Variants in ELOA2 observed in about 807,000 individuals in gnomAD.
ELOA2 encodes the protein elongin A2.
For missense variants in ELOA2, 1,271 were observed against 979.7 expected (o/e 1.30, Z -3.97); for synonymous variants, 497 against 398.8 (o/e 1.25, Z -2.94).
rs1425275192 is a variant in ELOA2, at chr18:47,033,851, C to T, written c.1414G>A (p.Ala472Thr). 3.7e-6 allele frequency: 6 copies of T among 1,613,942 alleles called. No individual in the cohort carries two copies. In the South Asian group the frequency reaches 4.4e-5, roughly 12 times the overall value. ...GAATCCGAAAGCGGATCGTAGTTGGCCTGCATCCAGGCCTCTGAGAGGTCC... is the reference window on the plus strand; with the variant it reads ...GAATCCGAAAGCGGATCGTAGTTGGTCTGCATCCAGGCCTCTGAGAGGTCC... The part of the protein sequence containing the change: ...LWDLSEAWMQ[A>T]NYDPLSDSDS... The change falls in exon 1 of 1, where the codon GCC becomes ACC. Residue 472 changes from alanine to threonine, a missense_variant. Transcript: ENST00000332567.
chr18:47,035,030 C>A lies in ELOA2; in HGVS notation c.235G>T (p.Val79Leu). ...GGGCCAGGCCGGGTGTTTCGGTCCA[C>A]GAGCACCAGCTTCTTCCACCGGGCC... Reference protein sequence around the residue: ...LAARWKKLVLVDRNTRPGPQD... With the variant: ...LAARWKKLVLLDRNTRPGPQD... The change falls in exon 1 of 1, where the codon GTG becomes TTG. Residue 79 changes from valine (V) to leucine (L), a missense_variant. Coordinates refer to ENST00000332567, the MANE Select transcript of ELOA2 (RefSeq NM_016427.3). 6.2e-7 allele frequency: 1 copy of A among 1,611,746 alleles called. No individual in the cohort carries two copies.
chr18:47,033,086 T>G lies in ELOA2; in HGVS notation c.2179A>C (p.Thr727Pro). Residue 727 changes from threonine to proline, a missense_variant, in exon 1 of 1, where the codon ACC becomes CCC. Thr to Pro is a conservative substitution (Grantham distance 38, BLOSUM62 -1). Coordinates refer to ENST00000332567, the MANE Select transcript of ELOA2 (RefSeq NM_016427.3). ...SNEHAAPAAKTRKQAAKKVAP... is the reference protein window; with the variant it reads ...SNEHAAPAAKPRKQAAKKVAP... The stretch of plus-strand genomic sequence containing the variant: ...ACTTTCTTGGCAGCCTGTTTCCGGG[T>G]TTTGGCCGCGGGCGCCGCGTGCTCA... 1.2e-6 allele frequency: 2 copies of G among 1,614,044 alleles called. No individual in the cohort carries two copies. Among genetic ancestry groups the G allele is most frequent in the Non-Finnish European group, 1.7e-6 (2 of 1,180,030 alleles).
In ELOA2 at chr18:47,034,219, C is replaced by A. The variant is rs2571029; in HGVS notation, c.1046G>T (p.Gly349Val). The change falls in exon 1 of 1, where the codon GGG (glycine) becomes GTG (valine). Residue 349 changes from glycine to valine, a missense_variant. Coordinates refer to ENST00000332567, the MANE Select transcript of ELOA2 (RefSeq NM_016427.3). ...GTCCAAATGAGCAGTCGGTGGCTTC[C>A]CCTCTTGAGTCTCTCGGTCGTTGGA... ...QLSNDRETQE[G>V]KPPTAHLDRT... 1 of 1,613,888 alleles carries A rather than the reference C, an allele frequency of 6.2e-7. No individual in the cohort carries two copies. The highest frequency in any genetic ancestry group is 1.1e-5 in the South Asian group (1 of 91,078).
In ELOA2 at chr18:47,033,156, G is replaced by A. The variant is rs543160054; in HGVS notation, c.2109C>T (p.Arg703=). The change falls in exon 1 of 1, where the codon CGC becomes CGT. Residue 703 remains arginine, a synonymous_variant. Coordinates refer to ENST00000332567, the MANE Select transcript of ELOA2 (RefSeq NM_016427.3). ...GGRDSSSSIL[R]WLPEKRANPC... is the part of the protein sequence containing the mutation. ...GGTTGGCCCGCTTCTCAGGGAGCCA[G>A]CGAAGGATGCTGCTGCTGCTGTCTC... is the stretch of plus-strand genomic sequence containing the variant. 3.7e-6 allele frequency: 6 copies of A among 1,613,986 alleles called. No homozygotes were observed. The highest frequency in any genetic ancestry group is 5.1e-6 in the Non-Finnish European group (6 of 1,180,054).
rs377434176 is a variant in ELOA2, at chr18:47,033,613, G to A, written c.1652C>T (p.Pro551Leu). 1 of 1,614,180 alleles carries A rather than the reference G, an allele frequency of 6.2e-7. No individual in the cohort carries two copies. Among genetic ancestry groups the A allele is most frequent in the Non-Finnish European group, 8.5e-7 (1 of 1,180,034 alleles). The change falls in exon 1 of 1, where the codon CCC becomes CTC. Residue 551 changes from proline (P) to leucine (L), a missense_variant. By Grantham distance (98) the Pro-to-Leu change is moderately conservative. Transcript: ENST00000332567. ...CAGAACAGGTTCAAGAACCCAGTAGGGGACCTCTCCCACGTCGCTGAGGGC... is the reference window on the plus strand; with the variant it reads ...CAGAACAGGTTCAAGAACCCAGTAGAGGACCTCTCCCACGTCGCTGAGGGC... Reference protein sequence around the residue: ...PDALSDVGEVPYWVLEPVLEG... With the variant: ...PDALSDVGEVLYWVLEPVLEG...
Position 47,032,821 on chromosome 18 carries a change from T to C in ELOA2, c.*182A>G. 9.2e-7 allele frequency: 1 copy of C among 1,090,324 alleles called. No individual in the cohort carries two copies. Among genetic ancestry groups the C allele is most frequent in the Non-Finnish European group, 1.3e-6 (1 of 763,712 alleles). 67.5% of individuals were successfully genotyped at this position (1,090,324 alleles called of 1,614,324 possible). The stretch of plus-strand genomic sequence containing the variant: ...CTGAGGTGTTCTCCAAGCTGGGAGG[T>C]AGTGGCTGGGTGTGGGAGGCAAAAT... On this transcript the variant is annotated 3_prime_UTR_variant, in exon 1 of 1. Transcript: ENST00000332567.
chr18:47,034,502 C>T lies in ELOA2; in HGVS notation c.763G>A (p.Gly255Arg), dbSNP rs376861883. ...GGGGTTTCCTCTCTTAAGCAGGCCC[C>T]GCATGATTTCTCCCTGATCAAAGTA... is the stretch of plus-strand genomic sequence containing the variant. ...SPTLIREKSC[G>R]ACLREETPRM... Residue 255 changes from glycine to arginine, a missense_variant, in exon 1 of 1, where the codon GGG becomes AGG. Transcript: ENST00000332567. 1 of 1,614,166 alleles carries T rather than the reference C, an allele frequency of 6.2e-7. No individual in the cohort carries two copies. Among genetic ancestry groups the T allele is most frequent in the African/African-American group, 1.3e-5 (1 of 75,066 alleles).
In ELOA2 at chr18:47,033,788, A is replaced by T; in HGVS notation, c.1477T>A (p.Ser493Thr). ...GCTTCCTCCCGGAACTTTGGTGAAGAGAGTGCTTCTGGCTTTGCCTGGGAG... is the reference window on the plus strand; with the variant it reads ...GCTTCCTCCCGGAACTTTGGTGAAGTGAGTGCTTCTGGCTTTGCCTGGGAG... Reference protein sequence around the residue: ...MTSQAKPEALSSPKFREEAAF... With the variant: ...MTSQAKPEALTSPKFREEAAF... Residue 493 changes from serine (S) to threonine (T), a missense_variant, in exon 1 of 1, where the codon TCT becomes ACT. By Grantham distance (58) the Ser-to-Thr change is moderately conservative. Transcript: ENST00000332567. 2 of 1,614,216 alleles carry T rather than the reference A, an allele frequency of 1.2e-6. No homozygotes were observed. Among genetic ancestry groups the T allele is most frequent in the Non-Finnish European group, 1.7e-6 (2 of 1,180,044 alleles).
chr18:47,033,961 T>C lies in ELOA2; in HGVS notation c.1304A>G (p.Glu435Gly), dbSNP rs1393073796. ...DSAKKLPPVQ[E>G]SQSERLQAAG... ...CGCCTGCAGCCTCTCTGACTGGCTT[T>C]CCTGGACAGGAGGCAATTTCTTAGC... The change falls in exon 1 of 1, where the codon GAA becomes GGA. Residue 435 changes from glutamate to glycine, a missense_variant. Transcript: ENST00000332567. 1.2e-6 allele frequency: 2 copies of C among 1,613,282 alleles called. No individual in the cohort carries two copies. The highest frequency in any genetic ancestry group is 1.7e-6 in the Non-Finnish European group (2 of 1,180,044).
At position 47,035,503 on chromosome 18, in the gene ELOA2, A is replaced by C; in HGVS notation, c.-239T>G. The C allele has an allele frequency of 1.2e-6, 1 of 831,160 alleles. No individual in the cohort carries two copies. The highest frequency in any genetic ancestry group is 2.9e-5 in the Admixed American group (1 of 34,212). The allele number at this position is 831,160 out of a possible 1,614,324, so 51.5% of individuals were successfully genotyped here. On this transcript the variant is annotated 5_prime_UTR_variant, in exon 1 of 1. Transcript: ENST00000332567. ...CTTTTGTTCCTCGGGATGTGGAGCC[A>C]CAGCCTGGAGTGACCTCTGCAGTTT... is the stretch of plus-strand genomic sequence containing the variant.
In ELOA2 at chr18:47,034,795, C is replaced by G; in HGVS notation, c.470G>C (p.Cys157Ser). The change falls in exon 1 of 1, where the codon TGC (cysteine) becomes TCC (serine). Residue 157 changes from cysteine (C) to serine (S), a missense_variant. Transcript: ENST00000332567. ...GGAATCAGCTGGGGCTATTCTGGGG[C>G]ACTTTCTCTCAGCTCTGGGCTCGCG... ...HSREPRAERK[C>S]PRIAPADSGR... The G allele has an allele frequency of 6.2e-7, 1 of 1,612,366 alleles. No homozygotes were observed. The highest frequency in any genetic ancestry group is 2.2e-5 in the East Asian group (1 of 44,858).
rs754869038 is a variant in ELOA2, at chr18:47,033,238, G to A, written c.2027C>T (p.Ser676Phe). ...DPENGEIKPA[S>F]KPAGSSHTPS... The stretch of plus-strand genomic sequence containing the variant: ...AGTGTGGCTGCTTCCCGCGGGCTTG[G>A]AGGCTGGCTTGATCTCCCCATTTTC... Residue 676 changes from serine (S) to phenylalanine (F), a missense_variant, in exon 1 of 1, where the codon TCC (serine) becomes TTC (phenylalanine). Ser to Phe is a radical substitution (Grantham distance 155). Coordinates refer to ENST00000332567, the MANE Select transcript of ELOA2 (RefSeq NM_016427.3). 5.0e-6 allele frequency: 8 copies of A among 1,613,734 alleles called. No homozygotes were observed. In the East Asian group the frequency reaches 1.8e-4, roughly 36 times the overall value.
chr18:47,035,327 G>C lies in ELOA2; in HGVS notation c.-63C>G, dbSNP rs925022796. 1.2e-4 allele frequency: 199 copies of C among 1,607,690 alleles called. No individual in the cohort carries two copies. Among genetic ancestry groups the C allele is most frequent in the Non-Finnish European group, 1.5e-4 (181 of 1,176,944 alleles). Reference sequence around the variant, plus strand: ...CGCAGCTCTGTCTTTGGGGCTGCGGGACAGGAAGTCTGGGGTGGCCGGTCC... The same window carrying C: ...CGCAGCTCTGTCTTTGGGGCTGCGGCACAGGAAGTCTGGGGTGGCCGGTCC... On this transcript the variant is annotated 5_prime_UTR_variant, in exon 1 of 1. Coordinates refer to ENST00000332567, the MANE Select transcript of ELOA2 (RefSeq NM_016427.3).
Position 47,033,680 on chromosome 18 carries a change from G to A in ELOA2, c.1585C>T (p.Leu529=), listed in dbSNP as rs140262120. The A allele has an allele frequency of 1.0e-4, 166 of 1,614,224 alleles. No individual in the cohort carries two copies. In the Middle Eastern group the frequency reaches 1.2e-3, roughly 11 times the overall value. Residue 529 remains leucine (L), a synonymous_variant, in exon 1 of 1, where the codon CTG becomes TTG. Coordinates refer to ENST00000332567, the MANE Select transcript of ELOA2 (RefSeq NM_016427.3). ...RPACQLQVPT[L]RQQCAQVLRN... Reference sequence around the variant, plus strand: ...AGCACCTGGGCACACTGCTGGCGCAGCGTCGGCACCTGGAGCTGGCAGGCA... The same window carrying A: ...AGCACCTGGGCACACTGCTGGCGCAACGTCGGCACCTGGAGCTGGCAGGCA...
In ELOA2 at chr18:47,034,334, T is replaced by C. The variant is rs1424110530; in HGVS notation, c.931A>G (p.Ser311Gly). 8.1e-6 allele frequency: 13 copies of C among 1,612,752 alleles called. No individual in the cohort carries two copies. The East Asian group carries it at 2.9e-4, about 36-fold the overall frequency. ...PDSHQKRPQHSHSNKKRPSLD... is the reference protein window; with the variant it reads ...PDSHQKRPQHGHSNKKRPSLD... ...CTGGGCCTCTTCTTGTTCGAGTGAC[T>C]GTGCTGAGGCCTCTTCTGGTGACTG... The change falls in exon 1 of 1, where the codon AGT (serine) becomes GGT (glycine). Residue 311 changes from serine to glycine, a missense_variant. Transcript: ENST00000332567.
Position 47,033,587 on chromosome 18 carries a change from C to T in ELOA2, c.1678G>A (p.Glu560Lys), listed in dbSNP as rs147177649. ...TACAGCTGATCGGGCCTCCACCCTT[C>T]CAGAACAGGTTCAAGAACCCAGTAG... ...VPYWVLEPVL[E>K]GWRPDQLYRR... The change falls in exon 1 of 1, where the codon GAA (glutamate) becomes AAA (lysine). Residue 560 changes from glutamate to lysine, a missense_variant. Physicochemically the swap from Glu to Lys is moderately conservative, Grantham distance 56 (BLOSUM62 1). Coordinates refer to ENST00000332567, the MANE Select transcript of ELOA2 (RefSeq NM_016427.3). The T allele has an allele frequency of 1.3e-5, 21 of 1,614,208 alleles. No individual in the cohort carries two copies. The African/African-American group carries it at 2.7e-4, about 20-fold the overall frequency.
At position 47,033,037 on chromosome 18, in the gene ELOA2, A is replaced by C. The variant is rs1201692788; in HGVS notation, c.2228T>G (p.Ile743Ser). The C allele has an allele frequency of 1.9e-6, 3 of 1,614,148 alleles. No homozygotes were observed. The highest frequency in any genetic ancestry group is 2.5e-6 in the Non-Finnish European group (3 of 1,180,036). Residue 743 changes from isoleucine to serine, a missense_variant, in exon 1 of 1, where the codon ATT becomes AGT. Physicochemically the swap from Ile to Ser is moderately radical, Grantham distance 142. Coordinates refer to ENST00000332567, the MANE Select transcript of ELOA2 (RefSeq NM_016427.3). ...KKVAPLMAKAIRDYKRRFSRR is the reference protein window; with the variant it reads ...KKVAPLMAKASRDYKRRFSRR ...GGAGAATCTTCTCTTGTAGTCTCGA[A>C]TTGCCTTGGCCATCAGCGGGGCCAC...
At position 47,034,331 on chromosome 18, in the gene ELOA2, G is replaced by A. The variant is rs758061573; in HGVS notation, c.934C>T (p.His312Tyr). ...AGACTGGGCCTCTTCTTGTTCGAGTGACTGTGCTGAGGCCTCTTCTGGTGA... is the reference window on the plus strand; with the variant it reads ...AGACTGGGCCTCTTCTTGTTCGAGTAACTGTGCTGAGGCCTCTTCTGGTGA... ...DSHQKRPQHS[H>Y]SNKKRPSLDG... Residue 312 changes from histidine to tyrosine, a missense_variant, in exon 1 of 1, where the codon CAC becomes TAC. By Grantham distance (83) the His-to-Tyr change is moderately conservative (BLOSUM62 2). Coordinates refer to ENST00000332567, the MANE Select transcript of ELOA2 (RefSeq NM_016427.3). 1 of 1,612,792 alleles carries A rather than the reference G, an allele frequency of 6.2e-7. No individual in the cohort carries two copies. The highest frequency in any genetic ancestry group is 1.1e-5 in the South Asian group (1 of 91,056).
chr18:47,034,554 C>A lies in ELOA2; in HGVS notation c.711G>T (p.Leu237Phe), dbSNP rs201688260. 1.9e-5 allele frequency: 31 copies of A among 1,614,242 alleles called. No individual in the cohort carries two copies. The highest frequency in any genetic ancestry group is 2.6e-5 in the Non-Finnish European group (31 of 1,180,034). Reference protein sequence around the residue: ...HKSSRQEKRPLCAQGDWHSPT... With the variant: ...HKSSRQEKRPFCAQGDWHSPT... ...GGGAGTGCCAATCTCCCTGGGCACA[C>A]AAGGGGCGTTTTTCCTGGCGAGACG... is the stretch of plus-strand genomic sequence containing the variant. Residue 237 changes from leucine to phenylalanine, a missense_variant, in exon 1 of 1, where the codon TTG (leucine) becomes TTT (phenylalanine). By Grantham distance (22) the Leu-to-Phe change is conservative. Transcript: ENST00000332567.
Sources: allele counts gnomAD v4.1 joint callset, GRCh38; gene constraint gnomAD v4.1.1; transcripts MANE v1.5; gene names NCBI Gene and HGNC (gene_info 2026-07-23, HGNC 2026-07-21).